Variants in LRRC63 observed in about 807,000 individuals in gnomAD.
LRRC63 encodes the protein leucine rich repeat containing 63.
Under a neutral mutation model 49.5 loss-of-function variants are expected in LRRC63, and 40 were observed. That is an observed-to-expected ratio of 0.81 (90% CI 0.63 to 1.05). The LOEUF (loss-of-function observed/expected upper bound fraction) is 1.05, where lower values mean the gene tolerates loss of function less well. Ranked by LOEUF, LRRC63 falls within the 50% of genes least tolerant of loss-of-function variation. The pLI is 0.00. For synonymous variants in LRRC63, 191 were observed against 221.1 expected (o/e 0.86, Z 1.21); for missense variants, 636 against 663.1 (o/e 0.96, Z 0.45).
chr13:46,245,884 C>T (rs1013349343), intron 5 of LRRC63, among the ~76,000 whole-genome samples: 16 of 152,138 alleles, frequency 1.1e-4, no homozygotes, highest in African/African-American at 3.9e-4. Context: ...TTCTGTCACA[C>T]GTGTAATACT....
chr13:46,248,983 A>G (rs1161901655), intron 6 of LRRC63, among the ~76,000 whole-genome samples: 1 of 151,916 alleles, frequency 6.6e-6, no homozygotes, highest in Non-Finnish European at 1.5e-5. Context: ...CCAAAAACTG[A>G]AAGAAATTTG....
intron 4 of LRRC63, among the ~76,000 whole-genome samples, chr13:46,230,277 C>T (rs77588044): frequency 0.05 from 7,552 of 152,230 alleles, 383 homozygotes; most frequent in African/African-American, 0.13. Flanking sequence ...CAAAGTCTCA[C>T]GTGAGACAAG....
At chr13:46,246,774 G>A (rs534483968) in intron 6 of LRRC63, 149 bp downstream of exon 6, 1 of 392,588 alleles carries the variant, frequency 2.5e-6, no homozygotes, top group African/African-American at 2.1e-5. Context: ...ATTTTCAGAA[G>A]CACAAAATGT....
exon 7 of LRRC63, chr13:46,250,476 C>T: frequency 1.3e-6 from 2 of 1,533,984 alleles, no homozygotes; most frequent in South Asian, 2.4e-5. Context: ...AATTTAATTA[C>T]TGTTCTTCCA....
At chr13:46,217,708 A>G (rs1388681733) in intron 2 of LRRC63, among the ~76,000 whole-genome samples, 2 of 152,100 alleles carry the variant, frequency 1.3e-5, no homozygotes, top group East Asian at 1.9e-4. Flanking sequence ...TAGGGTGTCA[A>G]TTTTACATCT....
chr13:46,261,331 C>A (rs899615665), intron 7 of LRRC63, among the ~76,000 whole-genome samples: 5 of 152,156 alleles, frequency 3.3e-5, no homozygotes, highest in African/African-American at 1.2e-4. Context: ...TAAGGTCATA[C>A]TTATACTAAC....
intron 5 of LRRC63, among the ~76,000 whole-genome samples, chr13:46,237,450 T>C (rs1214184977): frequency 6.6e-6 from 1 of 152,100 alleles, no homozygotes; most frequent in Non-Finnish European, 1.5e-5. Context: ...GTTGTTAATG[T>C]TGGGGGAAGG....
exon 5 of LRRC63, chr13:46,234,315 GTCAAGTATA>G: frequency 6.5e-7 from 1 of 1,550,216 alleles, no homozygotes; most frequent in Non-Finnish European, 8.7e-7. Context: ...ATAGTAAACT[GTCAAGTATA>G]TGGGAGAAAT....
chr13:46,254,123 A>G (rs2047452000), intron 7 of LRRC63, among the ~76,000 whole-genome samples: 1 of 152,168 alleles, frequency 6.6e-6, no homozygotes, highest in South Asian at 2.1e-4. Flanking sequence ...AGTAAAGGTG[A>G]GAACAGTTTT....
chr13:46,243,868 T>G (rs1382192357), intron 5 of LRRC63, among the ~76,000 whole-genome samples: 2 of 152,228 alleles, frequency 1.3e-5, no homozygotes, highest in Non-Finnish European at 2.9e-5. Context: ...TTATAAACTC[T>G]TCATTGATAA....
intron 5 of LRRC63, among the ~76,000 whole-genome samples, chr13:46,241,742 G>A (rs2047068800): frequency 6.6e-6 from 1 of 152,072 alleles, no homozygotes; most frequent in South Asian, 2.1e-4. Flanking sequence ...GATCATTAGA[G>A]AAATGCAAAT....
chr13:46,261,251 A>C (rs1381223266), intron 7 of LRRC63, among the ~76,000 whole-genome samples: 1 of 152,256 alleles, frequency 6.6e-6, no homozygotes, highest in Non-Finnish European at 1.5e-5. Context: ...TCGGAAATTC[A>C]TGTCCTTATA....
At chr13:46,250,250 C>G in intron 6 of LRRC63, 105 bp from the exon 7 acceptor site, 2 of 1,001,412 alleles carry the variant, frequency 2.0e-6, no homozygotes, top group Non-Finnish European at 2.9e-6. Flanking sequence ...ATTAATGTTG[C>G]TATAATGATT....
chr13:46,271,221 A>G (rs1158767987), intron 9 of LRRC63, among the ~76,000 whole-genome samples: 24 of 152,180 alleles, frequency 1.6e-4, no homozygotes, highest in Admixed American at 1.6e-3. Context: ...ACCAAGGGCT[A>G]ACTGTACTAC....
At chr13:46,223,481 T>TG (rs1317544220) in intron 2 of LRRC63, among the ~76,000 whole-genome samples, 23 of 151,304 alleles carry the variant, frequency 1.5e-4, no homozygotes, top group Admixed American at 3.9e-4. Context: ...GACAGTTTTT[T>TG]TTGTTTTTTT....
intron 8 of LRRC63, among the ~76,000 whole-genome samples, chr13:46,266,295 C>A (rs2047683362): frequency 6.6e-6 from 1 of 152,118 alleles, no homozygotes; most frequent in Non-Finnish European, 1.5e-5. Context: ...AATGAAAAGT[C>A]AAAGCACAAA....
intron 2 of LRRC63, among the ~76,000 whole-genome samples, chr13:46,217,901 A>G (rs1175240017): frequency 6.6e-6 from 1 of 152,138 alleles, no homozygotes; most frequent in Admixed American, 6.5e-5. Flanking sequence ...TTCAGTTTCC[A>G]TGTAGTTGTG....
At chr13:46,274,628 T>C (rs750502062) in intron 9 of LRRC63, among the ~76,000 whole-genome samples, 1 of 152,208 alleles carries the variant, frequency 6.6e-6, no homozygotes, top group Non-Finnish European at 1.5e-5. Flanking sequence ...CCATTGAGAA[T>C]GGGGTCAGAA....
rs112726874 is a variant in LRRC63, at chr13:46,274,420, G to T, written c.1551-2170G>T. ...AAAATTTCGGTACTGTCCTACTTTC[G>T]CTGAGTTCTTTGGATTGCAGCTCAG... On this transcript the variant is annotated intron_variant, in intron 9 of 9. Transcript: ENST00000595396. Among the ~76,000 whole-genome samples, 762 of 152,248 alleles carry T rather than the reference G, an allele frequency of 5.0e-3. 2 individuals carry two copies. Among genetic ancestry groups the T allele is most frequent in the Admixed American group, 7.4e-3 (113 of 15,296 alleles).
Sources: gnomAD v4.1 joint callset for allele counts (sites outside exome capture counted in the v4.1 genomes callset) on GRCh38, gnomAD v4.1.1 for gene constraint, MANE v1.5 for transcripts, NCBI Gene and HGNC (gene_info 2026-07-23, HGNC 2026-07-21) for gene names.